The following CECR2 variants were observed in gnomAD, a reference collection of about 807,000 sequenced individuals.
The protein encoded by CECR2 is chromatin remodeling regulator CECR2.
CECR2 carries 30 observed loss-of-function variants against 154.5 expected under a neutral mutation model. The ratio of observed to expected loss-of-function variants is 0.19; its 90% CI spans 0.15 to 0.26. The LOEUF is 0.26. Ranked by LOEUF, CECR2 falls within the 10% of genes least tolerant of loss-of-function variation. The pLI is 1.00. For synonymous variants in CECR2, 725 were observed against 683.7 expected, an observed-to-expected ratio of 1.06 and a Z score of -0.94; for missense variants, 1,743 against 1,829.3, an observed-to-expected ratio of 0.95 and a Z score of 0.86.
chr22:17,445,576 A>G (rs59828161), intron 1 of CECR2, among the ~76,000 whole-genome samples: 44,554 of 145,104 alleles, frequency 0.31, 9,732 homozygotes, highest in African/African-American at 0.58. Flanking sequence ...TATTATTATT[A>G]TTATTATTAT....
At chr22:17,479,240 C>T (rs986410215) in intron 2 of CECR2, among the ~76,000 whole-genome samples, 2 of 152,132 alleles carry the variant, frequency 1.3e-5, no homozygotes, top group Admixed American at 6.6e-5. Flanking sequence ...GCCAGGTTTC[C>T]CGTCACAGAG....
intron 1 of CECR2, among the ~76,000 whole-genome samples, chr22:17,378,693 G>A (rs1301722851): frequency 2.6e-5 from 4 of 152,162 alleles, no homozygotes; most frequent in Admixed American, 1.3e-4. Flanking sequence ...AAATATGTCC[G>A]GCGGGGTGAA....
In CECR2 at chr22:17,538,550, G is replaced by T; in HGVS notation, c.1269G>T (p.Met423Ile). Residue 423 changes from methionine to isoleucine, a missense_variant, in exon 11 of 19, where the codon ATG becomes ATT. Around this residue, in one of 4 missense-constraint regions of CECR2, gnomAD observed 292 missense variants for 301.2 expected, o/e 0.97. Transcript: ENST00000262608. Reference sequence around the variant, plus strand: ...AGTTGGATGATGATTTCACTGCTATGTATAAAGGTTAGTTCCCATTCTCCA... The same window carrying T: ...AGTTGGATGATGATTTCACTGCTATTTATAAAGGTTAGTTCCCATTCTCCA... ...LFELDDDFTA[M>I]YKVLDVVKAH... is the part of the protein sequence containing the mutation. 6.2e-7 allele frequency: 1 copy of T among 1,613,852 alleles called. No individual in the cohort carries two copies. Among genetic ancestry groups the T allele is most frequent in the Non-Finnish European group, 8.5e-7 (1 of 1,179,748 alleles).
intron 9 of CECR2, among the ~76,000 whole-genome samples, chr22:17,530,213 C>G (rs174330): frequency 1.1e-4 from 17 of 150,046 alleles, no homozygotes; most frequent in African/African-American, 3.9e-4. Context: ...ATTACCCATA[C>G]TTTTGTTGTT....
intron 1 of CECR2, among the ~76,000 whole-genome samples, chr22:17,433,036 C>T (rs191625203): frequency 3.9e-5 from 6 of 152,320 alleles, no homozygotes; most frequent in Non-Finnish European, 7.3e-5. Context: ...GCTACATCCC[C>T]ACCTCGTGTG....
At chr22:17,431,421 A>G (rs1036627952) in intron 1 of CECR2, among the ~76,000 whole-genome samples, 8 of 152,206 alleles carry the variant, frequency 5.3e-5, no homozygotes, top group Non-Finnish European at 1.2e-4. Flanking sequence ...TATTGTACAT[A>G]CATGTTTCCT....
chr22:17,491,696 A>T (rs1204780274), intron 2 of CECR2, among the ~76,000 whole-genome samples: 1 of 151,862 alleles, frequency 6.6e-6, no homozygotes, highest in East Asian at 1.9e-4. Flanking sequence ...GATACTTGAG[A>T]CTTCTCACTT....
intron 1 of CECR2, among the ~76,000 whole-genome samples, chr22:17,404,049 G>A (rs987249577): frequency 2.6e-4 from 40 of 151,924 alleles, no homozygotes; most frequent in African/African-American, 9.2e-4. Context: ...CACGAGGTCA[G>A]GAGTTTGAGA....
chr22:17,365,791 G>C (rs1337441524), upstream of CECR2, among the ~76,000 whole-genome samples: 1 of 151,828 alleles, frequency 6.6e-6, no homozygotes, highest in African/African-American at 2.4e-5. Flanking sequence ...GGATTGCTCA[G>C]TAAGGTGGCA....
chr22:17,452,052 T>C (rs991482548), intron 1 of CECR2, among the ~76,000 whole-genome samples: 1 of 152,094 alleles, frequency 6.6e-6, no homozygotes, highest in African/African-American at 2.4e-5. Context: ...TTCCAAGCTA[T>C]GATAGAAGTT....
chr22:17,435,252 A>G (rs761904304), intron 1 of CECR2, among the ~76,000 whole-genome samples: 8 of 152,128 alleles, frequency 5.3e-5, no homozygotes, highest in Non-Finnish European at 1.0e-4. Flanking sequence ...AAACAAAACT[A>G]CAGACCAAAA....
chr22:17,361,596 G>A (rs575574637), intron 1 of CECR2, among the ~76,000 whole-genome samples: 2 of 151,774 alleles, frequency 1.3e-5, no homozygotes, highest in African/African-American at 2.4e-5. Flanking sequence ...AAAATTAGCC[G>A]GGCATGGTGG....
chr22:17,483,999 A>C (rs2055375464), intron 2 of CECR2, among the ~76,000 whole-genome samples: 2 of 152,194 alleles, frequency 1.3e-5, no homozygotes, highest in Admixed American at 6.5e-5. Context: ...ACAGTGGCTT[A>C]CAGTATTCAG....
chr22:17,383,586 A>G (rs2063224801), intron 1 of CECR2, among the ~76,000 whole-genome samples: 4 of 151,874 alleles, frequency 2.6e-5, no homozygotes, highest in Admixed American at 2.6e-4. Context: ...AAAAAAGAAA[A>G]GAAAAGAAAA....
intron 1 of CECR2, among the ~76,000 whole-genome samples, chr22:17,408,066 G>A (rs910222835): frequency 2.0e-5 from 3 of 151,950 alleles, no homozygotes; most frequent in Non-Finnish European, 2.9e-5. Flanking sequence ...TTTACATAAC[G>A]TAAAATTAAC....
chr22:17,486,475 C>A (rs1050283247), intron 2 of CECR2, among the ~76,000 whole-genome samples: 1 of 152,176 alleles, frequency 6.6e-6, no homozygotes, highest in Non-Finnish European at 1.5e-5. Flanking sequence ...CAGTCACATG[C>A]TAGTGTTCAC....
chr22:17,453,932 T>C (rs1050874980), intron 1 of CECR2, among the ~76,000 whole-genome samples: 1 of 152,182 alleles, frequency 6.6e-6, no homozygotes, highest in East Asian at 1.9e-4. Flanking sequence ...TTCAAACAGC[T>C]GGAAATGGTC....
intron 3 of CECR2, among the ~76,000 whole-genome samples, chr22:17,497,847 A>C (rs796448714): frequency 6.6e-6 from 1 of 152,146 alleles, no homozygotes; most frequent in Non-Finnish European, 1.5e-5. Flanking sequence ...ACTGAGTCCT[A>C]TCTGCAATAG....
chr22:17,404,364 C>CTTTTTTTTTTTTTTTTTTTTTTTTTT (rs1209598318), intron 1 of CECR2, among the ~76,000 whole-genome samples: 6 of 59,626 alleles, frequency 1.0e-4, no homozygotes, highest in African/African-American at 2.3e-4. Flanking sequence ...GGACCCTGTT[C>CTTTTTTTTTTTTTTTTTTTTTTTTTT]TTTCTTTTTT....
Sources: allele counts gnomAD v4.1 joint callset (sites outside exome capture counted in the v4.1 genomes callset), GRCh38; gene constraint gnomAD v4.1.1; regional missense constraint gnomAD v4.1.1; transcripts MANE v1.5; gene names NCBI Gene and HGNC (gene_info 2026-07-23, HGNC 2026-07-21).